The following ANKRD26 variants were observed in gnomAD, a reference collection of about 807,000 sequenced individuals.
ANKRD26 encodes the protein ankyrin repeat domain 26, also known as ankyrin repeat domain-containing protein 26.
In ANKRD26, 141 loss-of-function variants were observed where a neutral mutation model predicts 208.7. The observed-to-expected ratio is 0.68, with a 90% CI of 0.59 to 0.78. ANKRD26 has a LOEUF of 0.78. ANKRD26 is among the 30% of genes least tolerant of loss of function. The probability of loss-of-function intolerance (pLI) is 0.00; values close to 1 mark genes in which losing one functional copy is unlikely to be tolerated. For synonymous variants in ANKRD26, 636 were observed against 660.4 expected (o/e 0.96, Z 0.57); for missense variants, 1,889 against 1,938.7 (o/e 0.97, Z 0.48).
At chr10:27,011,962 A>C (rs2053128285) in intron 32 of ANKRD26, among the ~76,000 whole-genome samples, 1 of 152,232 alleles carries the variant, frequency 6.6e-6, no homozygotes, top group Non-Finnish European at 1.5e-5. Flanking sequence ...ATTGAGAGAA[A>C]AATGCTGTAA....
the ANKRD26 span, among the ~76,000 whole-genome samples, chr10:26,966,625 G>T: frequency 6.6e-6 from 1 of 152,148 alleles, no homozygotes; most frequent in Non-Finnish European, 1.5e-5. Flanking sequence ...GAAAAAAATT[G>T]TTCAATTTTT....
intron 28 of ANKRD26, among the ~76,000 whole-genome samples, chr10:27,023,290 C>T (rs930211004): frequency 6.6e-6 from 1 of 150,658 alleles, no homozygotes; most frequent in African/African-American, 2.4e-5. Flanking sequence ...TGCAGTGGGC[C>T]GAGACTGCAC....
chr10:27,050,383 CA>C (rs2054613597), intron 16 of ANKRD26, among the ~76,000 whole-genome samples: 1 of 152,040 alleles, frequency 6.6e-6, no homozygotes, highest in Admixed American at 6.5e-5. Flanking sequence ...ATAGGGTATA[CA>C]TGCCCAAACT....
At chr10:27,015,142 TC>T (rs2053248037) in intron 30 of ANKRD26, among the ~76,000 whole-genome samples, 1 of 152,224 alleles carries the variant, frequency 6.6e-6, no homozygotes, top group East Asian at 1.9e-4. Flanking sequence ...TAAAATATAT[TC>T]ATGGGGAAGA....
At chr10:27,077,610 T>C (rs2055748561) in intron 8 of ANKRD26, 23 bp downstream of exon 8, 3 of 1,612,738 alleles carry the variant, frequency 1.9e-6, no homozygotes, top group East Asian at 4.5e-5. Flanking sequence ...AACACAAGAA[T>C]AAGCAGTTTT....
intron 3 of ANKRD26, 132 bp downstream of exon 3, chr10:27,093,217 T>C (rs2056356057): frequency 2.3e-6 from 2 of 860,846 alleles, no homozygotes; most frequent in African/African-American, 1.7e-5. Context: ...TCTTAGACAA[T>C]TAAGTTATTT....
At chr10:26,977,735 T>C (rs1441576618) in intron 5 of ANKRD26, among the ~76,000 whole-genome samples, 1 of 152,194 alleles carries the variant, frequency 6.6e-6, no homozygotes, top group African/African-American at 2.4e-5. Context: ...CAGGATTCAC[T>C]TCAGCCAAGG....
intron 20 of ANKRD26, among the ~76,000 whole-genome samples, chr10:27,041,544 C>G (rs1250948543): frequency 6.6e-6 from 1 of 152,128 alleles, no homozygotes; most frequent in African/African-American, 2.4e-5. Flanking sequence ...TTATATGTAA[C>G]TCAACTGTAC....
intron 9 of ANKRD26, among the ~76,000 whole-genome samples, chr10:27,072,480 G>A (rs567107743): frequency 1.3e-5 from 2 of 152,218 alleles, no homozygotes; most frequent in South Asian, 2.1e-4. Flanking sequence ...GCCCCCACCC[G>A]GCTTTGCCCT....
Position 27,053,789 on chromosome 10 carries a change from A to G in ANKRD26, c.1565-399T>C, listed in dbSNP as rs537804799. Among the ~76,000 whole-genome samples the G allele has an allele frequency of 3.9e-5, 6 of 152,336 alleles. No individual in the cohort carries two copies. The South Asian group carries it at 1.0e-3, about 26-fold the overall frequency. On this transcript the variant is annotated intron_variant, in intron 15 of 33. Coordinates refer to ENST00000376087, the MANE Select transcript of ANKRD26 (RefSeq NM_014915.3). ...ACAAATTCATTCACCCAACATAAAT[A>G]AGCTAAACTGTCAGAAACAAAACAA...
chr10:27,063,875 C>A (rs2055150801), intron 12 of ANKRD26, 113 bp downstream of exon 12: 2 of 871,662 alleles, frequency 2.3e-6, no homozygotes, highest in East Asian at 5.3e-5. Flanking sequence ...TCTCTTTATT[C>A]TTACTATGCA....
the ANKRD26 span, among the ~76,000 whole-genome samples, chr10:26,948,750 G>A: frequency 6.6e-6 from 1 of 152,180 alleles, no homozygotes; most frequent in Admixed American, 6.5e-5. Context: ...CACTTTGGGA[G>A]GACGAGGTGG....
intron 5 of ANKRD26, 92 bp from the exon 6 acceptor site, chr10:27,082,925 T>A: frequency 2.0e-6 from 3 of 1,473,644 alleles, no homozygotes; most frequent in Non-Finnish European, 2.8e-6. Context: ...TTACAAAGTA[T>A]CCCTCTGGGA....
intron 5 of ANKRD26, among the ~76,000 whole-genome samples, chr10:26,993,736 T>C (rs760741665): frequency 1.9e-4 from 29 of 152,342 alleles, no homozygotes; most frequent in Non-Finnish European, 3.5e-4. Flanking sequence ...TTCTGTGATG[T>C]AATACATTTT....
At chr10:26,985,462 T>A (rs984791735) in intron 3 of ANKRD26, among the ~76,000 whole-genome samples, 8 of 152,186 alleles carry the variant, frequency 5.3e-5, no homozygotes, top group Non-Finnish European at 1.2e-4. Flanking sequence ...TGTTTCCAAG[T>A]AGATTTCCCT....
chr10:27,014,546 G>T lies in ANKRD26; in HGVS notation c.4672C>A (p.Leu1558Ile), dbSNP rs770554075. The T allele has an allele frequency of 1.2e-6, 2 of 1,600,820 alleles. No homozygotes were observed. The highest frequency in any genetic ancestry group is 3.4e-5 in the Admixed American group (2 of 59,440). ...NKTELEKYKQLYLEELKVRKS... is the reference protein window; with the variant it reads ...NKTELEKYKQIYLEELKVRKS... ...CTAACTTTTAATTCTTCTAGATAGA[G>T]TTGCTTATATTTTTCCAGTTCGGTT... Residue 1558 changes from leucine to isoleucine, a missense_variant, in exon 31 of 34, where the codon CTC (leucine) becomes ATC (isoleucine). Leu to Ile is a conservative substitution (Grantham distance 5). Coordinates refer to ENST00000376087, the MANE Select transcript of ANKRD26 (RefSeq NM_014915.3).
At chr10:27,062,096 C>T in intron 12 of ANKRD26, 1 of 985,338 alleles carries the variant, frequency 1.0e-6, no homozygotes, top group South Asian at 4.7e-5. Flanking sequence ...TCTTTCCCCA[C>T]TCACGATCTC....
At chr10:26,951,564 GAC>G in the ANKRD26 span, among the ~76,000 whole-genome samples, 1 of 152,114 alleles carries the variant, frequency 6.6e-6, no homozygotes, top group African/African-American at 2.4e-5. Context: ...TAGTACACAG[GAC>G]AGTTTTTAGT....
At chr10:27,026,489 A>T (rs1182347687) in intron 27 of ANKRD26, among the ~76,000 whole-genome samples, 1 of 152,118 alleles carries the variant, frequency 6.6e-6, no homozygotes, top group Non-Finnish European at 1.5e-5. Flanking sequence ...TGAAATCTAG[A>T]AAAAAAACTT....
Sources: gnomAD v4.1 joint callset for allele counts (sites outside exome capture counted in the v4.1 genomes callset) on GRCh38, gnomAD v4.1.1 for gene constraint, MANE v1.5 for transcripts, NCBI Gene and HGNC (gene_info 2026-07-23, HGNC 2026-07-21) for gene names.